Variants in BLM observed in about 807,000 individuals in gnomAD.
The protein encoded by BLM is BLM RecQ like helicase.
BLM carries 95 observed loss-of-function variants against 135.3 expected under a neutral mutation model. The observed-to-expected ratio is 0.70, with a 90% CI of 0.59 to 0.83. The LOEUF is 0.83. BLM is among the 40% of genes least tolerant of loss of function. BLM has a pLI of 0.00. For missense variants in BLM, 1,518 were observed against 1,663.9 expected (o/e 0.91, Z 1.53); for synonymous variants, 520 against 589.2 (o/e 0.88, Z 1.70).
At chr15:90,747,868 C>T (rs1039356873) in intron 2 of BLM, among the ~76,000 whole-genome samples, 1 of 152,064 alleles carries the variant, frequency 6.6e-6, no homozygotes, top group Non-Finnish European at 1.5e-5. Flanking sequence ...AGTGCAGTGG[C>T]GCGATCTTGG....
intron 19 of BLM, among the ~76,000 whole-genome samples, chr15:90,804,701 G>A (rs1409054220): frequency 6.6e-6 from 1 of 152,268 alleles, no homozygotes; most frequent in East Asian, 1.9e-4. Flanking sequence ...TTGGCTTCAA[G>A]CAATCCTCCT....
rs1182162934 is a variant in BLM, at chr15:90,769,150, A to G, written c.2325A>G (p.Arg775=). ...VTPEKICASN[R]LISTLENLYE... is the part of the protein sequence containing the mutation. ...TGGCCTAGATCTGTGCAAGTAACAGACTCATTTCTACTCTGGAGAATCTCT... is the reference window on the plus strand; with the variant it reads ...TGGCCTAGATCTGTGCAAGTAACAGGCTCATTTCTACTCTGGAGAATCTCT... Residue 775 remains arginine (R), a synonymous_variant, in exon 11 of 22, where the codon AGA becomes AGG. Transcript: ENST00000355112. The G allele has an allele frequency of 1.2e-6, 2 of 1,612,232 alleles. No homozygotes were observed. The highest frequency in any genetic ancestry group is 1.3e-5 in the African/African-American group (1 of 74,860).
chr15:90,752,861 C>T (rs1389027675), intron 4 of BLM, among the ~76,000 whole-genome samples: 3 of 152,138 alleles, frequency 2.0e-5, no homozygotes, highest in Admixed American at 1.3e-4. Context: ...AACCAGCATT[C>T]TCATTTACCA....
At chr15:90,795,601 C>T (rs2151188369) in intron 16 of BLM, among the ~76,000 whole-genome samples, 1 of 152,230 alleles carries the variant, frequency 6.6e-6, no homozygotes, top group South Asian at 2.1e-4. Flanking sequence ...TCCCACCCCA[C>T]CCCATCCCTT....
At chr15:90,772,607 C>G (rs58665872) in intron 12 of BLM, among the ~76,000 whole-genome samples, 1 of 152,158 alleles carries the variant, frequency 6.6e-6, no homozygotes, top group African/African-American at 2.4e-5. Context: ...GAACTTAAAA[C>G]ACCAGATAGC....
intron 1 of BLM, among the ~76,000 whole-genome samples, chr15:90,746,568 G>A (rs376278712): frequency 2.6e-5 from 4 of 152,084 alleles, no homozygotes; most frequent in Non-Finnish European, 5.9e-5. Flanking sequence ...CGGCTTATGC[G>A]AAACTTCATA....
chr15:90,735,662 A>G (rs1895195146), intron 1 of BLM, among the ~76,000 whole-genome samples: 1 of 152,150 alleles, frequency 6.6e-6, no homozygotes, highest in Non-Finnish European at 1.5e-5. Context: ...TTTATATCAG[A>G]CACAGGAATA....
intron 12 of BLM, among the ~76,000 whole-genome samples, chr15:90,776,066 T>C (rs1214737062): frequency 6.6e-6 from 1 of 152,204 alleles, no homozygotes; most frequent in Non-Finnish European, 1.5e-5. Context: ...ATGTAAGCAC[T>C]AAGAAATATT....
rs1286401716 is a variant in BLM at position 90,760,888 on chromosome 15, G to A, written c.1515G>A (p.Trp505Ter). The A allele has an allele frequency of 6.2e-7, 1 of 1,613,810 alleles. No individual in the cohort carries two copies. The highest frequency in any genetic ancestry group is 8.5e-7 in the Non-Finnish European group (1 of 1,180,010). Residue 505 changes from tryptophan to a stop codon, truncating the protein, a stop_gained, in exon 7 of 22, where the codon TGG (tryptophan) becomes TGA (stop). Transcript: ENST00000355112. LOFTEE classifies it high-confidence loss of function. ...HLQKSFVSSN[W>*]AETPRLGKKN... ...AGAAGTCCTTTGTAAGTAGCAACTG[G>A]GCTGAAACACCAAGACTAGGAAAAA...
chr15:90,791,698 G>A (rs1452806536), intron 15 of BLM, among the ~76,000 whole-genome samples: 2 of 151,944 alleles, frequency 1.3e-5, no homozygotes, highest in Non-Finnish European at 2.9e-5. Context: ...CAGTGCAGTG[G>A]CAGAATCTTG....
intron 5 of BLM, chr15:90,755,325 C>T: frequency 4.6e-6 from 1 of 219,544 alleles, no homozygotes. Flanking sequence ...TTTCCCTCCC[C>T]CTCCTTGACT....
intron 19 of BLM, among the ~76,000 whole-genome samples, chr15:90,804,977 C>T (rs1897256128): frequency 6.6e-6 from 1 of 152,220 alleles, no homozygotes; most frequent in Middle Eastern, 3.4e-3. Context: ...GCTGGGATTA[C>T]AGGCATGTGC....
At chr15:90,754,485 C>T (rs540984714) in intron 4 of BLM, among the ~76,000 whole-genome samples, 9 of 152,244 alleles carry the variant, frequency 5.9e-5, no homozygotes, top group Non-Finnish European at 1.3e-4. Context: ...ATTGGAATGG[C>T]AGGTTTTCCA....
At chr15:90,728,303 T>C (rs1894970478) in intron 1 of BLM, among the ~76,000 whole-genome samples, 2 of 152,228 alleles carry the variant, frequency 1.3e-5, no homozygotes, top group Non-Finnish European at 2.9e-5. Flanking sequence ...CCCAAAGTGC[T>C]GGGATTATAG....
At chr15:90,724,109 C>G (rs1371133505) in intron 1 of BLM, among the ~76,000 whole-genome samples, 4 of 152,018 alleles carry the variant, frequency 2.6e-5, no homozygotes, top group Non-Finnish European at 4.4e-5. Flanking sequence ...AACTCCTGGG[C>G]TCAGATGATC....
rs758651305 is a variant in BLM at position 90,798,375 on chromosome 15, T to C, written c.3358+38T>C. The C allele has an allele frequency of 1.9e-6, 3 of 1,599,940 alleles. No individual in the cohort carries two copies. The African/African-American group carries it at 4.0e-5, about 21-fold the overall frequency. On this transcript the variant is annotated intron_variant, in intron 17 of 21. Coordinates refer to ENST00000355112, the MANE Select transcript of BLM (RefSeq NM_000057.4). ...TTTTGAATGTTTGAGTTACTTCAATTGAAATTGAACATCTAAAGAATTTAT... is the reference window on the plus strand; with the variant it reads ...TTTTGAATGTTTGAGTTACTTCAATCGAAATTGAACATCTAAAGAATTTAT...
chr15:90,723,791 T>A (rs1894833774), intron 1 of BLM, among the ~76,000 whole-genome samples: 1 of 152,178 alleles, frequency 6.6e-6, no homozygotes, highest in Non-Finnish European at 1.5e-5. Context: ...TACTTTTTGA[T>A]TAACAACTCC....
At chr15:90,745,942 TA>T (rs1360348238) in intron 1 of BLM, among the ~76,000 whole-genome samples, 1 of 151,876 alleles carries the variant, frequency 6.6e-6, no homozygotes, top group Non-Finnish European at 1.5e-5. Flanking sequence ...TGGGTTGTGG[TA>T]GTGTACACCT....
intron 8 of BLM, among the ~76,000 whole-genome samples, chr15:90,763,542 T>C (rs1053882416): frequency 1.3e-5 from 2 of 152,176 alleles, no homozygotes; most frequent in Non-Finnish European, 1.5e-5. Flanking sequence ...TATATGCATA[T>C]ATGCATAGTG....
Sources: allele counts gnomAD v4.1 joint callset (sites outside exome capture counted in the v4.1 genomes callset), GRCh38; gene constraint gnomAD v4.1.1; transcripts MANE v1.5; gene names NCBI Gene and HGNC (gene_info 2026-07-23, HGNC 2026-07-21).